Variants in TUB observed in about 807,000 individuals in gnomAD.
TUB encodes tubby protein homolog.
A neutral mutation model predicts 59.7 loss-of-function variants in TUB; 33 were observed. The ratio of observed to expected loss-of-function variants is 0.55; its 90% confidence interval spans 0.42 to 0.74. The LOEUF is 0.74. Ranked by LOEUF, TUB falls within the 30% of genes least tolerant of loss-of-function variation. The probability of loss-of-function intolerance (pLI) is 0.00; values close to 1 mark genes in which losing one functional copy is unlikely to be tolerated. For missense variants in TUB, 659 were observed against 672.0 expected (o/e 0.98, Z 0.21); for synonymous variants, 293 against 256.4 (o/e 1.14, Z -1.36).
intron 5 of TUB, among the ~76,000 whole-genome samples, chr11:8,096,207 G>C (rs538825262): frequency 2.1e-4 from 32 of 152,334 alleles, no homozygotes; most frequent in Admixed American, 7.2e-4. Flanking sequence ...CAAAGATGAG[G>C]AGTCAGTGGG....
At chr11:8,037,156 G>A (rs1266935599), upstream of TUB, among the ~76,000 whole-genome samples, 1 of 152,208 alleles carries the variant, frequency 6.6e-6, no homozygotes, top group African/African-American at 2.4e-5. Context: ...CACCTGGCAG[G>A]TGCCGGCATG....
upstream of TUB, among the ~76,000 whole-genome samples, chr11:8,033,749 A>G (rs1419602048): frequency 6.6e-6 from 1 of 152,124 alleles, no homozygotes; most frequent in Non-Finnish European, 1.5e-5. Context: ...CATTCATCCC[A>G]CCATAGTTTG....
intron 1 of TUB, among the ~76,000 whole-genome samples, chr11:8,026,561 T>G (rs998181236): frequency 2.0e-5 from 3 of 152,196 alleles, no homozygotes; most frequent in Admixed American, 1.3e-4. Flanking sequence ...TGTACCTTTA[T>G]GGAAAATCAG....
rs1944436253 is a variant in TUB at position 8,104,356 on chromosome 11, A to AC, written c.*2738dup. ...ACAATTCTGCAGAGTGGTGAAGTTCACTTCCCCAACTCTTCTCCAAGTCTA... is the reference window on the plus strand; with the variant it reads ...ACAATTCTGCAGAGTGGTGAAGTTCACCTTCCCCAACTCTTCTCCAAGTCTA... On this transcript the variant is annotated 3_prime_UTR_variant, in exon 12 of 12. Transcript: ENST00000299506. The AC allele has an allele frequency of 6.6e-6, 1 of 152,272 alleles. No homozygotes were observed. Among genetic ancestry groups the AC allele is most frequent in the South Asian group, 2.1e-4 (1 of 4,828 alleles). The allele number at this position is 152,272 out of a possible 1,614,324, so 9.4% of individuals were successfully genotyped here. A position where few individuals can be genotyped will look rare whatever the true frequency, so the allele number is the denominator to read the frequency against.
At position 8,101,659 on chromosome 11, in the gene TUB, G is replaced by A. The variant is rs370317654; in HGVS notation, c.*40G>A. 622 of 1,607,920 alleles carry A rather than the reference G, an allele frequency of 3.9e-4. 2 individuals carry two copies. Among genetic ancestry groups the A allele is most frequent in the South Asian group, 1.5e-3 (132 of 90,486 alleles). On this transcript the variant is annotated 3_prime_UTR_variant, in exon 12 of 12. Coordinates refer to ENST00000299506, the MANE Select transcript of TUB (RefSeq NM_177972.3). Reference sequence around the variant, plus strand: ...CCTTTGGGGTTGCCCAGCCTGGAGCGGAGCTTGCCTGCCTGCCTGTGGAGA... The same window carrying A: ...CCTTTGGGGTTGCCCAGCCTGGAGCAGAGCTTGCCTGCCTGCCTGTGGAGA...
intron 2 of TUB, among the ~76,000 whole-genome samples, chr11:8,066,631 T>C (rs4758279): frequency 1 from 151,981 of 152,300 alleles, 75,833 homozygotes; most frequent in Middle Eastern, 1. Flanking sequence ...CTAGAGGAGT[T>C]CAGGGTTCTG....
chr11:8,039,597 G>C (rs1238357107), intron 1 of TUB: 3 of 1,424,034 alleles, frequency 2.1e-6, no homozygotes, highest in South Asian at 1.6e-5. Flanking sequence ...GGGATGATGA[G>C]GTGAGGCTGC....
chr11:8,026,246 TG>T (rs1189080278), intron 1 of TUB, among the ~76,000 whole-genome samples: 1 of 152,216 alleles, frequency 6.6e-6, no homozygotes, highest in Non-Finnish European at 1.5e-5. Context: ...TCTCCAAGTC[TG>T]TGGCTTTCTT....
chr11:8,095,651 C>T lies in TUB; in HGVS notation c.551C>T (p.Thr184Met), dbSNP rs769095108. ...ERPSGQDLRA[T>M]MQRKGISSSM... ...CCCAGCGGGCAGGATCTCCGTGCCA[C>T]GATGCAGAGGAAGGGTGAGCCCCAT... The change falls in exon 5 of 12, where the codon ACG becomes ATG. Residue 184 changes from threonine (T) to methionine (M), a missense_variant. Around this residue, in one of 3 missense-constraint regions of TUB, gnomAD observed 321 missense variants for 304.3 expected, o/e 1.05. Transcript: ENST00000299506. 36 of 1,602,420 alleles carry T rather than the reference C, an allele frequency of 2.2e-5. No individual in the cohort carries two copies. The East Asian group carries it at 2.3e-4, about 10-fold the overall frequency.
intron 1 of TUB, among the ~76,000 whole-genome samples, chr11:8,032,657 A>T (rs1478897904): frequency 1.4e-5 from 2 of 146,796 alleles, no homozygotes; most frequent in East Asian, 2.0e-4. Flanking sequence ...ACACCTGGGC[A>T]CCTATCCTCC....
upstream of TUB, among the ~76,000 whole-genome samples, chr11:8,034,550 C>T (rs1300673930): frequency 1.3e-5 from 2 of 152,166 alleles, no homozygotes; most frequent in East Asian, 1.9e-4. Flanking sequence ...AGACTGGCAT[C>T]GCTCACCAGG....
At chr11:8,022,140 A>G (rs1466494194) in intron 1 of TUB, among the ~76,000 whole-genome samples, 2 of 152,094 alleles carry the variant, frequency 1.3e-5, no homozygotes, top group Non-Finnish European at 2.9e-5. Context: ...TTCGCAGTTG[A>G]TTGTGCTGCA....
exon 1 of TUB, chr11:8,019,333 T>C (rs1942382924): frequency 1.6e-6 from 2 of 1,282,352 alleles, no homozygotes; most frequent in East Asian, 6.2e-5. Context: ...CCGGACCCTG[T>C]CTTACAGCCG....
intron 2 of TUB, among the ~76,000 whole-genome samples, chr11:8,040,933 G>A (rs1220481124): frequency 6.6e-6 from 1 of 152,210 alleles, no homozygotes; most frequent in African/African-American, 2.4e-5. Context: ...CAGGCCTCAG[G>A]TTCTGAACCA....
chr11:8,070,078 C>A (rs138140885), intron 2 of TUB, among the ~76,000 whole-genome samples: 2 of 152,196 alleles, frequency 1.3e-5, no homozygotes, highest in African/African-American at 4.8e-5. Context: ...ACAGAGCCCA[C>A]GTTCACAAAC....
chr11:8,101,047 C>G lies in TUB; in HGVS notation c.1387+50C>G, dbSNP rs753028607. The stretch of plus-strand genomic sequence containing the variant: ...TATGGTCCGTAGGATACCCAAGGCC[C>G]TTAGCGTAGGGTTCAGCCCACCTAG... On this transcript the variant is annotated intron_variant, in intron 11 of 11. Transcript: ENST00000299506. 4.4e-6 allele frequency: 7 copies of G among 1,605,118 alleles called. 1 individual carries two copies. The South Asian group carries it at 5.6e-5, about 13-fold the overall frequency.
Position 8,097,797 on chromosome 11 carries a change from A to AG in TUB, c.971dup (p.Gly325ArgfsTer21), listed in dbSNP as rs1466564140. On this transcript the variant is annotated frameshift_variant, in exon 8 of 12. Coordinates refer to ENST00000299506, the MANE Select transcript of TUB (RefSeq NM_177972.3). LOFTEE classifies it high-confidence loss of function. ...CTGTGGACCCAACAGACTTGTCTCG[A>AG]GGAGGGGACAGCTATATCGGGAAAC... 6.2e-7 allele frequency: 1 copy of AG among 1,613,784 alleles called. No homozygotes were observed. Among genetic ancestry groups the AG allele is most frequent in the African/African-American group, 1.3e-5 (1 of 74,898 alleles).
chr11:8,086,743 C>T (rs1306456875), intron 1 of TUB, among the ~76,000 whole-genome samples: 1 of 152,088 alleles, frequency 6.6e-6, no homozygotes, highest in African/African-American at 2.4e-5. Flanking sequence ...CCGGTGGCCG[C>T]CCCCCAGCTG....
intron 1 of TUB, among the ~76,000 whole-genome samples, chr11:8,026,124 C>A (rs1405309581): frequency 1.3e-5 from 2 of 152,172 alleles, no homozygotes; most frequent in Non-Finnish European, 2.9e-5. Context: ...GGAGAAGTTT[C>A]TGTTAAAATA....
Sources: gnomAD v4.1 joint callset for allele counts (sites outside exome capture counted in the v4.1 genomes callset) on GRCh38, gnomAD v4.1.1 for gene constraint, gnomAD v4.1.1 regional missense constraint, MANE v1.5 for transcripts, NCBI Gene and HGNC (gene_info 2026-07-23, HGNC 2026-07-21) for gene names.